DMD: variants seen among roughly 807,000 people sequenced by gnomAD.
DMD encodes the protein mutant dystrophin.
DMD carries 63 observed loss-of-function variants against 330.1 expected under a neutral mutation model. The observed-to-expected ratio is 0.19, with a 90% CI of 0.16 to 0.24. The LOEUF is 0.24. DMD is among the 10% of genes least tolerant of loss of function. The pLI is 1.00. For synonymous variants in DMD, 1,223 were observed against 959.8 expected (o/e 1.27, Z -5.07); for missense variants, 3,344 against 2,684.1 (o/e 1.25, Z -5.43).
At chrX:31,484,160 G>A (rs780870191) in intron 57 of DMD, among the ~76,000 whole-genome samples, 2 of 111,514 alleles carry the variant, frequency 1.8e-5, no homozygotes, top group Non-Finnish European at 3.8e-5. Context: ...AATATTTAAT[G>A]TCAAGAGCCT....
chrX:33,316,837 T>C lies in DMD; in HGVS notation c.7+22422A>G, dbSNP rs186725956. On this transcript the variant is annotated intron_variant, in intron 1 of 17. Transcript: ENST00000288447. ...GAATTGACATCTTTACTATGCTGAG[T>C]CTTCCAATCCATGAATGCAATATAT... Among the ~76,000 whole-genome samples, 23 of 111,070 alleles carry C rather than the reference T, an allele frequency of 2.1e-4. No individual in the cohort carries two copies. In the East Asian group the frequency reaches 6.2e-3, roughly 30 times the overall value.
chrX:31,488,183 T>C (rs1290528625), intron 57 of DMD, among the ~76,000 whole-genome samples: 1 of 111,972 alleles, frequency 8.9e-6, no homozygotes, highest in Non-Finnish European at 1.9e-5. Context: ...AGTTACTTCC[T>C]ACTGACAATA....
In DMD at chrX:32,573,623, T is replaced by C. The variant is rs2149137079; in HGVS notation, c.1719A>G (p.Ala573=). Residue 573 remains alanine, a synonymous_variant, in exon 15 of 79, where the codon GCA becomes GCG. Transcript: ENST00000357033. ...RLTEEQCLFS[A]WLSEKEDAVN... ...CTGCATCTTCTTTTTCTGAAAGCCATGCACTAAAAAGGCACTGCAAGACAT... is the reference window on the plus strand; with the variant it reads ...CTGCATCTTCTTTTTCTGAAAGCCACGCACTAAAAAGGCACTGCAAGACAT... 1.7e-6 allele frequency: 2 copies of C among 1,210,519 alleles called. No homozygotes were observed. Among genetic ancestry groups the C allele is most frequent in the South Asian group, 1.8e-5 (1 of 56,990 alleles).
chrX:31,444,451 A>G (rs749956354), intron 60 of DMD, 30 bp downstream of exon 60: 20 of 1,205,978 alleles, frequency 1.7e-5, no homozygotes, highest in Non-Finnish European at 2.2e-6. Flanking sequence ...TTACTGTAAC[A>G]AAGGACAACA....
At chrX:33,182,305 C>T (rs1187629040) in intron 1 of DMD, among the ~76,000 whole-genome samples, 1 of 111,646 alleles carries the variant, frequency 9.0e-6, no homozygotes, top group East Asian at 2.8e-4. Context: ...TGCTCTGTTG[C>T]CCAAGTTGGA....
chrX:32,739,294 T>C (rs1386731369), intron 7 of DMD, among the ~76,000 whole-genome samples: 1 of 111,904 alleles, frequency 8.9e-6, no homozygotes. Flanking sequence ...AGAGTAGTGA[T>C]TTAAATTTAG....
chrX:31,550,738 G>GT (rs2074423707), intron 55 of DMD, among the ~76,000 whole-genome samples: 1 of 111,805 alleles, frequency 8.9e-6, no homozygotes, highest in African/African-American at 3.3e-5. Flanking sequence ...TCTCTCCCAT[G>GT]TAACTATATC....
In DMD at chrX:31,134,184, A is replaced by C. The variant is rs2034882802; in HGVS notation, c.10932T>G (p.Asp3644Glu). The C allele has an allele frequency of 8.3e-7, 1 of 1,209,018 alleles. No homozygotes were observed. Among genetic ancestry groups the C allele is most frequent in the Admixed American group, 2.2e-5 (1 of 45,977 alleles). Residue 3644 changes from aspartate to glutamate, a missense_variant, in exon 77 of 79, where the codon GAT becomes GAG. Asp to Glu is a conservative substitution (Grantham distance 45). Coordinates refer to ENST00000357033, the MANE Select transcript of DMD (RefSeq NM_004006.3). ...TTGTGTCCTGGGGAGGACTGAGAAG[A>C]TCTTCCTCACCTTAATAAAAGCAAA... ...SQTSDSMGEE[D>E]LLSPPQDTST...
At chrX:32,558,258 G>A (rs187918584) in intron 16 of DMD, among the ~76,000 whole-genome samples, 1 of 111,569 alleles carries the variant, frequency 9.0e-6, no homozygotes, top group East Asian at 2.8e-4. Flanking sequence ...TGAATTAACT[G>A]CACCTGCAAA....
rs185863288 is a variant in DMD at position 31,135,977 on chromosome X, T to C, written c.10922-1783A>G. ...ATGCCACTTGGATTTTCATGTTTGA[T>C]TAGAATCCTGCATTTATTCCTTTTT... On this transcript the variant is annotated intron_variant, in intron 76 of 78. Transcript: ENST00000357033. Among the ~76,000 whole-genome samples the C allele has an allele frequency of 2.2e-4, 20 of 88,928 alleles. No individual in the cohort carries two copies. In the East Asian group the frequency reaches 6.8e-3, roughly 30 times the overall value. 77.2% of individuals were successfully genotyped at this position (88,928 alleles called of 115,157 possible).
At chrX:32,490,984 A>AT (rs2042937673) in intron 20 of DMD, among the ~76,000 whole-genome samples, 1 of 112,132 alleles carries the variant, frequency 8.9e-6, no homozygotes. Flanking sequence ...GTGAGAGGCC[A>AT]TTTTTTACAG....
intron 1 of DMD, among the ~76,000 whole-genome samples, chrX:33,096,501 C>CTTTTTTTT (rs752228692): frequency 2.1e-5 from 2 of 93,729 alleles, no homozygotes; most frequent in African/African-American, 3.8e-5. Context: ...TTGGAGACGA[C>CTTTTTTTT]TTTTTTTTTT....
intron 1 of DMD, among the ~76,000 whole-genome samples, chrX:33,113,352 C>T (rs369219809): frequency 5.4e-5 from 6 of 111,200 alleles, no homozygotes; most frequent in African/African-American, 1.6e-4. Flanking sequence ...CCACCGTGCC[C>T]GGCCTCAACA....
chrX:32,458,728 C>A (rs966021227), intron 25 of DMD, among the ~76,000 whole-genome samples: 1 of 111,382 alleles, frequency 9.0e-6, no homozygotes, highest in African/African-American at 3.3e-5. Context: ...TGGCTTTTAA[C>A]TGCATTTTTC....
At position 31,167,502 on chromosome X, in the gene DMD, A is replaced by T. The variant is rs1003749087; in HGVS notation, c.10553+1941T>A. On this transcript the variant is annotated intron_variant, in intron 74 of 78. Transcript: ENST00000357033. ...CTCAAAAGATATATTACACGATCAT[A>T]TACTTCAAAAATATATTTACTCCTT... Among the ~76,000 whole-genome samples the T allele has an allele frequency of 6.3e-5, 7 of 111,978 alleles. No individual in the cohort carries two copies. The East Asian group carries it at 2.0e-3, about 31-fold the overall frequency.
At position 32,483,034 on chromosome X, in the gene DMD, T is replaced by G. The variant is rs147232172; in HGVS notation, c.2803+1885A>C. Among the ~76,000 whole-genome samples, 163 of 106,179 alleles carry G rather than the reference T, an allele frequency of 1.5e-3. 2 individuals carry two copies. In the East Asian group the frequency reaches 0.042, roughly 28 times the overall value. 92.2% of individuals were successfully genotyped at this position (106,179 alleles called of 115,157 possible). On this transcript the variant is annotated intron_variant, in intron 21 of 78. Transcript: ENST00000357033. The stretch of plus-strand genomic sequence containing the variant: ...GTGGAGGAATACAAGAAATGAGATT[T>G]ACTCCCTGGTGCCAGTTCGGATATA...
chrX:31,785,356 T>C (rs1371290870), intron 50 of DMD, among the ~76,000 whole-genome samples: 1 of 112,026 alleles, frequency 8.9e-6, no homozygotes, highest in Non-Finnish European at 1.9e-5. Flanking sequence ...ATTCTAGAGA[T>C]CTGTTGAATA....
chrX:32,884,639 C>T (rs947296154), intron 2 of DMD, among the ~76,000 whole-genome samples: 2 of 111,808 alleles, frequency 1.8e-5, no homozygotes, highest in Non-Finnish European at 3.8e-5. Context: ...CAAGTTTCTA[C>T]TAAGCTATGC....
At chrX:33,206,722 G>A (rs1182784273) in intron 1 of DMD, among the ~76,000 whole-genome samples, 1 of 111,268 alleles carries the variant, frequency 9.0e-6, no homozygotes, top group Non-Finnish European at 1.9e-5. Context: ...AATAAAGATC[G>A]AGCTCAGAGT....
Sources: gnomAD v4.1 joint callset for allele counts (sites outside exome capture counted in the v4.1 genomes callset) on GRCh38, gnomAD v4.1.1 for gene constraint, MANE v1.5 for transcripts, NCBI Gene and HGNC (gene_info 2026-07-23, HGNC 2026-07-21) for gene names.